NTRK3: variants seen among roughly 807,000 people sequenced by gnomAD.
NTRK3 encodes neurotrophic receptor tyrosine kinase 3, also known as NT-3 growth factor receptor.
In NTRK3, 24 loss-of-function variants were observed where a neutral mutation model predicts 91.7. The ratio of observed to expected loss-of-function variants is 0.26; its 90% CI spans 0.19 to 0.37. The LOEUF (loss-of-function observed/expected upper bound fraction) is 0.37, where lower values mean the gene tolerates loss of function less well. NTRK3 is among the 10% of genes least tolerant of loss of function. NTRK3 has a pLI of 1.00. For synonymous variants in NTRK3, 483 were observed against 404.0 expected, an observed-to-expected ratio of 1.20 and a Z score of -2.34; for missense variants, 880 against 1,068.9, an observed-to-expected ratio of 0.82 and a Z score of 2.46.
chr15:88,050,870 G>A (rs184668719), intron 13 of NTRK3, among the ~76,000 whole-genome samples: 10 of 152,040 alleles, frequency 6.6e-5, no homozygotes, highest in Middle Eastern at 3.4e-3. Context: ...CCATCCCAAG[G>A]CCTGTACTCA....
At chr15:88,158,196 A>G (rs568049286) in intron 5 of NTRK3, among the ~76,000 whole-genome samples, 1 of 152,330 alleles carries the variant, frequency 6.6e-6, no homozygotes, top group East Asian at 1.9e-4. Context: ...CCTCATCCTC[A>G]GTGGGCACTC....
chr15:88,236,850 TC>T (rs35953467), intron 3 of NTRK3, among the ~76,000 whole-genome samples: 5,115 of 151,094 alleles, frequency 0.034, 122 homozygotes, highest in Middle Eastern at 0.059. Flanking sequence ...AAACAGTGGC[TC>T]CCCCTGGGGA....
At chr15:87,979,130 C>A in intron 14 of NTRK3, 1 of 611,170 alleles carries the variant, frequency 1.6e-6, no homozygotes, top group South Asian at 2.0e-5. Flanking sequence ...AAAAAAGGAG[C>A]ACAGTGATGA....
chr15:88,119,150 T>C (rs1421007006), intron 13 of NTRK3, among the ~76,000 whole-genome samples: 2 of 151,758 alleles, frequency 1.3e-5, no homozygotes, highest in African/African-American at 4.8e-5. Flanking sequence ...GTGTAGGGAC[T>C]TCTATGATGA....
chr15:87,998,410 T>C (rs1841551), intron 14 of NTRK3, among the ~76,000 whole-genome samples: 50,188 of 152,190 alleles, frequency 0.33, 8,475 homozygotes, highest in South Asian at 0.41. Flanking sequence ...CATGGCCACA[T>C]GGCCAAGGAC....
At chr15:88,046,433 C>T (rs2080203858) in intron 13 of NTRK3, among the ~76,000 whole-genome samples, 1 of 152,140 alleles carries the variant, frequency 6.6e-6, no homozygotes, top group Non-Finnish European at 1.5e-5. Flanking sequence ...CACAAATAAA[C>T]CAACAGAGAT....
At chr15:88,169,567 G>A (rs1201422809) in intron 5 of NTRK3, among the ~76,000 whole-genome samples, 3 of 152,190 alleles carry the variant, frequency 2.0e-5, no homozygotes, top group Non-Finnish European at 2.9e-5. Context: ...GCCTCAGTGA[G>A]AGAGATCTCA....
At chr15:87,964,244 C>G (rs2141224054) in intron 14 of NTRK3, among the ~76,000 whole-genome samples, 1 of 152,184 alleles carries the variant, frequency 6.6e-6, no homozygotes, top group African/African-American at 2.4e-5. Flanking sequence ...CTAGGAACAA[C>G]TTGCCAATGA....
At chr15:88,101,470 G>A (rs1315606930) in intron 13 of NTRK3, among the ~76,000 whole-genome samples, 2 of 152,200 alleles carry the variant, frequency 1.3e-5, no homozygotes, top group African/African-American at 4.8e-5. Context: ...GATTCCTCAG[G>A]AATCTAGAAC....
intron 3 of NTRK3, among the ~76,000 whole-genome samples, chr15:88,214,740 G>A (rs2049591946): frequency 6.6e-6 from 1 of 151,146 alleles, no homozygotes; most frequent in African/African-American, 2.4e-5. Context: ...TCCCAAGCAA[G>A]ATGCAACCTC....
At chr15:88,180,197 T>C (rs987941564) in intron 5 of NTRK3, among the ~76,000 whole-genome samples, 1 of 152,236 alleles carries the variant, frequency 6.6e-6, no homozygotes, top group Non-Finnish European at 1.5e-5. Flanking sequence ...ATGCCCACTT[T>C]TCAGATTGGC....
chr15:88,168,746 G>T (rs1001152277), intron 5 of NTRK3, among the ~76,000 whole-genome samples: 11 of 152,292 alleles, frequency 7.2e-5, no homozygotes, highest in Middle Eastern at 3.4e-3. Context: ...GGAAGACTTG[G>T]GGGTCATCTC....
At chr15:88,064,620 A>G (rs1201909391) in intron 13 of NTRK3, among the ~76,000 whole-genome samples, 1 of 152,144 alleles carries the variant, frequency 6.6e-6, no homozygotes, top group Admixed American at 6.5e-5. Context: ...TCTGGTTTCT[A>G]TGCCCATAGC....
chr15:88,190,753 T>C (rs1042517340), intron 3 of NTRK3, among the ~76,000 whole-genome samples: 6 of 152,186 alleles, frequency 3.9e-5, no homozygotes, highest in Non-Finnish European at 5.9e-5. Flanking sequence ...GGCCAGTTAC[T>C]AGAGCTTCTC....
intron 17 of NTRK3, among the ~76,000 whole-genome samples, chr15:87,899,793 G>A (rs370908153): frequency 2.0e-5 from 3 of 152,130 alleles, no homozygotes; most frequent in Non-Finnish European, 2.9e-5. Flanking sequence ...CAAGTCCTTC[G>A]CAGGCTACAG....
At chr15:87,962,573 T>C (rs546144504) in intron 14 of NTRK3, among the ~76,000 whole-genome samples, 1 of 152,316 alleles carries the variant, frequency 6.6e-6, no homozygotes, top group South Asian at 2.1e-4. Flanking sequence ...CCTGTTGCTA[T>C]TTCCTTGAAT....
intron 10 of NTRK3, among the ~76,000 whole-genome samples, chr15:88,130,721 C>G (rs2041248335): frequency 6.6e-6 from 1 of 152,088 alleles, no homozygotes; most frequent in Admixed American, 6.5e-5. Context: ...TGCAAAGTTC[C>G]AAGATCATGA....
intron 14 of NTRK3, among the ~76,000 whole-genome samples, chr15:87,941,823 C>A (rs555145224): frequency 2.0e-5 from 3 of 152,338 alleles, no homozygotes; most frequent in Admixed American, 2.0e-4. Context: ...AGGAGTTGTA[C>A]AAGCAGTGGG....
intron 3 of NTRK3, among the ~76,000 whole-genome samples, chr15:88,216,889 C>A (rs1284823814): frequency 6.6e-6 from 1 of 152,076 alleles, no homozygotes; most frequent in Non-Finnish European, 1.5e-5. Context: ...TCTGCAAGTC[C>A]CATTAGGATA....
Sources: gnomAD v4.1 joint callset for allele counts (sites outside exome capture counted in the v4.1 genomes callset) on GRCh38, gnomAD v4.1.1 for gene constraint, MANE v1.5 for transcripts, NCBI Gene and HGNC (gene_info 2026-07-23, HGNC 2026-07-21) for gene names.